Variants in UBR2 observed in about 807,000 individuals in gnomAD.
UBR2 encodes E3 ubiquitin-protein ligase UBR2.
Under a neutral mutation model 247.9 loss-of-function variants are expected in UBR2, and 92 were observed. The observed-to-expected ratio is 0.37, with a 90% CI of 0.31 to 0.44. The LOEUF (loss-of-function observed/expected upper bound fraction) is 0.44. Among genes scored for constraint, UBR2 ranks in the 20% least tolerant of loss-of-function variants. UBR2 has a pLI of 1.00. For missense variants in UBR2, 1,613 were observed against 2,112.6 expected, an observed-to-expected ratio of 0.76 and a Z score of 4.64; for synonymous variants, 672 against 693.5, an observed-to-expected ratio of 0.97 and a Z score of 0.49.
Position 42,663,397 on chromosome 6 carries a change from C to T in UBR2, c.3676C>T (p.Pro1226Ser), listed in dbSNP as rs1167382214. 3 of 1,607,904 alleles carry T rather than the reference C, an allele frequency of 1.9e-6. No homozygotes were observed. Among genetic ancestry groups the T allele is most frequent in the Non-Finnish European group, 2.5e-6 (3 of 1,177,808 alleles). Residue 1226 changes from proline to serine, a missense_variant, in exon 32 of 47, where the codon CCT becomes TCT. This residue lies in a region of UBR2 where 1,524 missense variants were observed against 1,967.3 expected (regional missense o/e 0.77). Transcript: ENST00000372901. Reference sequence around the variant, plus strand: ...TAATACTGTTATTCCTCTGCTGCTTCCTCCAAGAAATATTTTTAACAAGTA... The same window carrying T: ...TAATACTGTTATTCCTCTGCTGCTTTCTCCAAGAAATATTTTTAACAAGTA... ...LSNTVIPLLL[P>S]PRNIFNNRLN...
chr6:42,592,334 G>C, intron 3 of UBR2, 105 bp downstream of exon 3: 1 of 947,254 alleles, frequency 1.1e-6, no homozygotes. Context: ...TGGGGGGAGG[G>C]TGGTTTAAAC....
At chr6:42,690,532 A>T (rs1356388983) in intron 46 of UBR2, among the ~76,000 whole-genome samples, 1 of 152,216 alleles carries the variant, frequency 6.6e-6, no homozygotes, top group Non-Finnish European at 1.5e-5. Context: ...GAAGTTACTC[A>T]CATTTGATTG....
At chr6:42,630,105 G>A (rs1171906565) in intron 11 of UBR2, among the ~76,000 whole-genome samples, 1 of 151,098 alleles carries the variant, frequency 6.6e-6, no homozygotes, top group East Asian at 1.9e-4. Context: ...CATCGTAGTA[G>A]TAGTAGCAGT....
At chr6:42,655,847 G>C in intron 26 of UBR2, 124 bp downstream of exon 26, 2 of 541,862 alleles carry the variant, frequency 3.7e-6, no homozygotes, top group Non-Finnish European at 6.2e-6. Flanking sequence ...AACATTTGAG[G>C]CTATATGTAC....
chr6:42,665,289 T>TA (rs1252882217), intron 32 of UBR2, 120 bp from the exon 33 acceptor site: 1 of 680,208 alleles, frequency 1.5e-6, no homozygotes, highest in African/African-American at 1.9e-5. Context: ...AATTTTCCCT[T>TA]ATCCTTTTTG....
At chr6:42,566,012 AAAT>A (rs1175008078) in intron 1 of UBR2, among the ~76,000 whole-genome samples, 3 of 152,146 alleles carry the variant, frequency 2.0e-5, no homozygotes, top group African/African-American at 7.2e-5. Flanking sequence ...GTAAACTGTT[AAAT>A]AATAATGACA....
chr6:42,615,768 T>G (rs1373293782), intron 9 of UBR2, among the ~76,000 whole-genome samples: 1 of 144,304 alleles, frequency 6.9e-6, no homozygotes, highest in Non-Finnish European at 1.5e-5. Flanking sequence ...AAAAAAAAAA[T>G]GCTGTGTTGG....
At position 42,691,456 on chromosome 6, in the gene UBR2, A is replaced by G; in HGVS notation, c.*283A>G. On this transcript the variant is annotated 3_prime_UTR_variant, in exon 47 of 47. Coordinates refer to ENST00000372901, the MANE Select transcript of UBR2 (RefSeq NM_001363705.2). ...AGCCCCTTTGTGGGGGTCTGACTGC[A>G]TAGTCCCAGCCATTATGTGATATTT... The G allele has an allele frequency of 2.4e-6, 1 of 421,480 alleles. No homozygotes were observed. Among genetic ancestry groups the G allele is most frequent in the Non-Finnish European group, 4.3e-6 (1 of 230,960 alleles). 26.1% of individuals were successfully genotyped at this position (421,480 alleles called of 1,614,324 possible).
Position 42,635,490 on chromosome 6 carries a change from C to T in UBR2, c.1618C>T (p.Leu540=). ...MEPEWEAAFT[L]QMKLTHVISM... is the part of the protein sequence containing the mutation. Reference sequence around the variant, plus strand: ...ACCAGAGTGGGAAGCAGCCTTCACACTACAAATGAAATTAACACATGTCAT... The same window carrying T: ...ACCAGAGTGGGAAGCAGCCTTCACATTACAAATGAAATTAACACATGTCAT... Residue 540 remains leucine, a synonymous_variant, in exon 14 of 47, where the codon CTA becomes TTA. Coordinates refer to ENST00000372901, the MANE Select transcript of UBR2 (RefSeq NM_001363705.2). 1 of 1,613,656 alleles carries T rather than the reference C, an allele frequency of 6.2e-7. No homozygotes were observed. Among genetic ancestry groups the T allele is most frequent in the African/African-American group, 1.3e-5 (1 of 75,046 alleles).
intron 34 of UBR2, among the ~76,000 whole-genome samples, chr6:42,669,248 CTG>C (rs1377027863): frequency 6.6e-6 from 1 of 152,112 alleles, no homozygotes; most frequent in Non-Finnish European, 1.5e-5. Flanking sequence ...CTTCTGAAAA[CTG>C]TAAGATACTC....
chr6:42,635,529 G>A lies in UBR2; in HGVS notation c.1657G>A (p.Asp553Asn). The A allele has an allele frequency of 6.2e-7, 1 of 1,611,004 alleles. No individual in the cohort carries two copies. Among genetic ancestry groups the A allele is most frequent in the Non-Finnish European group, 8.5e-7 (1 of 1,177,588 alleles). Reference protein sequence around the residue: ...KLTHVISMMQDWCASDEKVLI... With the variant: ...KLTHVISMMQNWCASDEKVLI... ...AACACATGTCATTTCAATGATGCAG[G>A]ACTGGTGTGCTTCAGATGTGAGTTT... Residue 553 changes from aspartate (D) to asparagine (N), a missense_variant, in exon 14 of 47, where the codon GAC becomes AAC. Coordinates refer to ENST00000372901, the MANE Select transcript of UBR2 (RefSeq NM_001363705.2).
At position 42,603,643 on chromosome 6, in the gene UBR2, C is replaced by T; in HGVS notation, c.587C>T (p.Ala196Val). The T allele has an allele frequency of 6.3e-7, 1 of 1,597,278 alleles. No homozygotes were observed. The highest frequency in any genetic ancestry group is 8.5e-7 in the Non-Finnish European group (1 of 1,175,890). ...ATAGCAAGAACTTATAACATTTTTG[C>T]TATTACGTTTCGGTATGCAGTAGAA... is the stretch of plus-strand genomic sequence containing the variant. ...DVIARTYNIF[A>V]ITFRYAVEIL... Residue 196 changes from alanine (A) to valine (V), a missense_variant, in exon 5 of 47, where the codon GCT (alanine) becomes GTT (valine). This residue lies in a region of UBR2 where 1,524 missense variants were observed against 1,967.3 expected (regional missense o/e 0.77). Transcript: ENST00000372901.
chr6:42,608,213 C>T (rs945278568), intron 7 of UBR2, among the ~76,000 whole-genome samples: 3 of 152,110 alleles, frequency 2.0e-5, no homozygotes, highest in African/African-American at 7.2e-5. Context: ...CTAGATTTTG[C>T]CTAGTTCATC....
At position 42,686,469 on chromosome 6, in the gene UBR2, G is replaced by A. The variant is rs555892575; in HGVS notation, c.4853+1598G>A. Among the ~76,000 whole-genome samples, 4 of 152,026 alleles carry A rather than the reference G, an allele frequency of 2.6e-5. No homozygotes were observed. The South Asian group carries it at 8.3e-4, about 32-fold the overall frequency. ...TACAGAACAAAATGGAGTCTCCTAT[G>A]TCTACTTCTTTCTACACAGACACAG... On this transcript the variant is annotated intron_variant, in intron 44 of 46. Transcript: ENST00000372901.
chr6:42,645,732 T>TA, intron 21 of UBR2, 142 bp downstream of exon 21: 2 of 809,436 alleles, frequency 2.5e-6, no homozygotes, highest in Non-Finnish European at 3.8e-6. Context: ...CGGTCACTCT[T>TA]ATTATGAATA....
intron 24 of UBR2, 123 bp from the exon 25 acceptor site, chr6:42,652,368 A>G: frequency 8.4e-7 from 1 of 1,193,402 alleles, no homozygotes; most frequent in Non-Finnish European, 1.2e-6. Flanking sequence ...GAGAATGTAA[A>G]ATAATAGCTT....
intron 10 of UBR2, among the ~76,000 whole-genome samples, chr6:42,616,313 A>T (rs1378531171): frequency 6.6e-6 from 1 of 152,120 alleles, no homozygotes; most frequent in African/African-American, 2.4e-5. Context: ...TATCTATTAT[A>T]CAATGTTTAT....
rs568695941 is a variant in UBR2, at chr6:42,590,787, G to A, written c.339-1364G>A. Reference sequence around the variant, plus strand: ...CTTCCTCACAGGAAGTGATAAAGAAGATAAAAAGCAGAGTGATCTAAGATT... The same window carrying A: ...CTTCCTCACAGGAAGTGATAAAGAAAATAAAAAGCAGAGTGATCTAAGATT... On this transcript the variant is annotated intron_variant, in intron 2 of 46. Coordinates refer to ENST00000372901, the MANE Select transcript of UBR2 (RefSeq NM_001363705.2). Among the ~76,000 whole-genome samples, 12 of 152,280 alleles carry A rather than the reference G, an allele frequency of 7.9e-5. No homozygotes were observed. In the South Asian group the frequency reaches 2.5e-3, roughly 32 times the overall value.
chr6:42,655,567 A>G (rs564627019), intron 25 of UBR2, 54 bp from the exon 26 acceptor site: 7 of 995,506 alleles, frequency 7.0e-6, no homozygotes, highest in African/African-American at 7.0e-5. Flanking sequence ...TCTTATTAAA[A>G]TATGTACTTG....
Sources: allele counts gnomAD v4.1 joint callset (sites outside exome capture counted in the v4.1 genomes callset), GRCh38; gene constraint gnomAD v4.1.1; regional missense constraint gnomAD v4.1.1; transcripts MANE v1.5; gene names NCBI Gene and HGNC (gene_info 2026-07-23, HGNC 2026-07-21).